Variants in ZCCHC7 observed in about 807,000 individuals in gnomAD.
The protein encoded by ZCCHC7 is zinc finger CCHC-type containing 7.
ZCCHC7 carries 35 observed loss-of-function variants against 52.0 expected under a neutral mutation model. The ratio of observed to expected loss-of-function variants is 0.67; its 90% CI spans 0.51 to 0.89. The LOEUF (loss-of-function observed/expected upper bound fraction) is 0.89. Ranked by LOEUF, ZCCHC7 falls within the 40% of genes least tolerant of loss-of-function variation. The probability of loss-of-function intolerance (pLI) is 0.00; values close to 1 mark genes in which losing one functional copy is unlikely to be tolerated. For missense variants in ZCCHC7, 574 were observed against 649.1 expected (o/e 0.88, Z 1.26); for synonymous variants, 217 against 221.5 (o/e 0.98, Z 0.18).
chr9:37,286,424 G>A (rs1252355828), intron 2 of ZCCHC7, among the ~76,000 whole-genome samples: 1 of 152,138 alleles, frequency 6.6e-6, no homozygotes, highest in Non-Finnish European at 1.5e-5. Context: ...CACTTTGGGA[G>A]GCCAGGGTGG....
chr9:37,190,916 G>C (rs1186918966), intron 2 of ZCCHC7, among the ~76,000 whole-genome samples: 1 of 152,096 alleles, frequency 6.6e-6, no homozygotes, highest in Admixed American at 6.5e-5. Context: ...CAGCTACTTG[G>C]GTGGCTGAGG....
intron 7 of ZCCHC7, among the ~76,000 whole-genome samples, chr9:37,351,939 A>G (rs1435508457): frequency 3.3e-5 from 5 of 152,232 alleles, no homozygotes; most frequent in Non-Finnish European, 5.9e-5. Context: ...TTAATTTACA[A>G]TAAAGCAAAT....
At chr9:37,282,753 C>T (rs930317132) in intron 2 of ZCCHC7, among the ~76,000 whole-genome samples, 2 of 151,242 alleles carry the variant, frequency 1.3e-5, no homozygotes, top group African/African-American at 4.9e-5. Context: ...CTCCTGTGGC[C>T]CCAGCTACAT....
intron 2 of ZCCHC7, among the ~76,000 whole-genome samples, chr9:37,137,291 A>G (rs1455566651): frequency 2.0e-5 from 3 of 152,222 alleles, no homozygotes; most frequent in African/African-American, 7.2e-5. Flanking sequence ...TAGATAGGCA[A>G]AGTACAAGAC....
intron 2 of ZCCHC7, among the ~76,000 whole-genome samples, chr9:37,261,035 C>G (rs1013132932): frequency 2.0e-5 from 3 of 152,140 alleles, no homozygotes; most frequent in East Asian, 1.9e-4. Flanking sequence ...TTATTTAGCT[C>G]TCACCACTGG....
chr9:37,222,069 A>G (rs1824842291), intron 2 of ZCCHC7, among the ~76,000 whole-genome samples: 1 of 152,156 alleles, frequency 6.6e-6, no homozygotes, highest in African/African-American at 2.4e-5. Flanking sequence ...CAGATGGAAG[A>G]GCATACATTT....
At chr9:37,155,124 G>A (rs899549971) in intron 2 of ZCCHC7, among the ~76,000 whole-genome samples, 1 of 152,254 alleles carries the variant, frequency 6.6e-6, no homozygotes, top group African/African-American at 2.4e-5. Flanking sequence ...ACTTTGGGAG[G>A]CCAAGGCGGG....
intron 7 of ZCCHC7, among the ~76,000 whole-genome samples, chr9:37,352,885 G>A (rs1285441274): frequency 2.0e-5 from 3 of 151,148 alleles, no homozygotes; most frequent in Non-Finnish European, 3.0e-5. Flanking sequence ...CCCTCCCCCC[G>A]ACAAAAAAAC....
intron 2 of ZCCHC7, among the ~76,000 whole-genome samples, chr9:37,187,530 C>T (rs1171636729): frequency 1.3e-5 from 2 of 152,182 alleles, no homozygotes; most frequent in Non-Finnish European, 2.9e-5. Context: ...TGATTGTTCC[C>T]CAGAGTTTGG....
At chr9:37,162,807 T>C (rs1167013846) in intron 2 of ZCCHC7, among the ~76,000 whole-genome samples, 1 of 152,216 alleles carries the variant, frequency 6.6e-6, no homozygotes, top group Non-Finnish European at 1.5e-5. Flanking sequence ...GTGCGATGGC[T>C]CATGCCTGTC....
chr9:37,153,468 G>A (rs920410080), intron 2 of ZCCHC7, among the ~76,000 whole-genome samples: 1 of 151,936 alleles, frequency 6.6e-6, no homozygotes, highest in Admixed American at 6.6e-5. Context: ...ACCACACCCT[G>A]CCTGTTGTTA....
At chr9:37,307,066 G>A (rs1363175670) in intron 5 of ZCCHC7, among the ~76,000 whole-genome samples, 2 of 151,276 alleles carry the variant, frequency 1.3e-5, no homozygotes, top group African/African-American at 4.9e-5. Flanking sequence ...GATTACAGGT[G>A]TGAGCCACCA....
rs779436507 is a variant in ZCCHC7 at position 37,231,058 on chromosome 9, G to A, written c.611-71130G>A. 3.0e-4 allele frequency among the ~76,000 whole-genome samples: 45 copies of A among 151,966 alleles called. 1 individual carries two copies. The highest frequency in any genetic ancestry group is 5.1e-4 in the Non-Finnish European group (35 of 67,992). On this transcript the variant is annotated intron_variant, in intron 2 of 8. Transcript: ENST00000336755. ...TCCAGGGTTCAAGCAATTCTCCTGC[G>A]TCAGCCTCCCCAGCAGTTGGGACTA... is the stretch of plus-strand genomic sequence containing the variant.
intron 6 of ZCCHC7, among the ~76,000 whole-genome samples, chr9:37,345,456 G>A (rs1456363586): frequency 3.3e-5 from 5 of 152,228 alleles, no homozygotes; most frequent in Non-Finnish European, 5.9e-5. Flanking sequence ...GGCTGGGTGT[G>A]GTGGCTCATG....
chr9:37,282,431 C>T (rs1189515963), intron 2 of ZCCHC7, among the ~76,000 whole-genome samples: 1 of 151,796 alleles, frequency 6.6e-6, no homozygotes, highest in Admixed American at 6.6e-5. Context: ...AGTGAAACCC[C>T]GTCTCTACTA....
intron 2 of ZCCHC7, among the ~76,000 whole-genome samples, chr9:37,270,431 CTG>C (rs1284185256): frequency 6.6e-6 from 1 of 151,968 alleles, no homozygotes; most frequent in Non-Finnish European, 1.5e-5. Context: ...TGGCTCATGC[CTG>C]TAATCACAGC....
rs1344009708 is a variant in ZCCHC7, at chr9:37,311,085, T to TA, written c.951+5372dup. On this transcript the variant is annotated intron_variant, in intron 5 of 8. Transcript: ENST00000336755. The stretch of plus-strand genomic sequence containing the variant: ...AAACCCCTGGGGATCAAGAAAGCAG[T>TA]ATAGAATGTTGATTTTCAGATACAG... 3.9e-5 allele frequency among the ~76,000 whole-genome samples: 6 copies of TA among 151,902 alleles called. No homozygotes were observed. In the South Asian group the frequency reaches 1.2e-3, roughly 32 times the overall value.
intron 2 of ZCCHC7, among the ~76,000 whole-genome samples, chr9:37,213,979 A>C (rs886929645): frequency 2.6e-5 from 4 of 151,930 alleles, no homozygotes; most frequent in Non-Finnish European, 1.5e-5. Context: ...AATATTTGGT[A>C]TGAGATTCGC....
intron 2 of ZCCHC7, among the ~76,000 whole-genome samples, chr9:37,250,619 A>T (rs1390006181): frequency 6.6e-6 from 1 of 151,800 alleles, no homozygotes; most frequent in Non-Finnish European, 1.5e-5. Context: ...TCTCTCTCTC[A>T]CTTGACTTTT....
Sources: gnomAD v4.1 joint callset for allele counts (sites outside exome capture counted in the v4.1 genomes callset) on GRCh38, gnomAD v4.1.1 for gene constraint, MANE v1.5 for transcripts, NCBI Gene and HGNC (gene_info 2026-07-23, HGNC 2026-07-21) for gene names.